Variants in GREB1 observed in about 807,000 individuals in gnomAD.
The protein encoded by GREB1 is protein GREB1.
Under a neutral mutation model 200.7 loss-of-function variants are expected in GREB1, and 106 were observed. The ratio of observed to expected loss-of-function variants is 0.53; its 90% CI spans 0.45 to 0.62. GREB1 has a LOEUF of 0.62. GREB1 is among the 20% of genes least tolerant of loss of function. The probability of loss-of-function intolerance (pLI) is 0.00; values close to 1 mark genes in which losing one functional copy is unlikely to be tolerated. For synonymous variants in GREB1, 1,132 were observed against 1,092.4 expected, an observed-to-expected ratio of 1.04 and a Z score of -0.72; for missense variants, 2,243 against 2,556.8, an observed-to-expected ratio of 0.88 and a Z score of 2.65.
At chr2:11,533,931 C>T (rs952101397), upstream of GREB1, among the ~76,000 whole-genome samples, 5 of 152,058 alleles carry the variant, frequency 3.3e-5, no homozygotes, top group African/African-American at 9.7e-5. Context: ...CAATAAAAAC[C>T]GCAGGGTTTA....
At chr2:11,508,927 T>G (rs1469607200) in intron 1 of GREB1, among the ~76,000 whole-genome samples, 1 of 147,564 alleles carries the variant, frequency 6.8e-6, no homozygotes, top group African/African-American at 2.5e-5. Context: ...CAGGCTGGAG[T>G]GCAGTGGCGC....
In GREB1 at chr2:11,612,625, T is replaced by C; in HGVS notation, c.3122+15T>C. ...TCCTTGCCGAGGTGAGTGGAGGGGT[T>C]ATGCCCCTGGGGGTCTCTGAGGAGC... On this transcript the variant is annotated intron_variant, in intron 19 of 32. Coordinates refer to ENST00000381486, the MANE Select transcript of GREB1 (RefSeq NM_014668.4). The C allele has an allele frequency of 6.8e-7, 1 of 1,476,054 alleles. No homozygotes were observed. Among genetic ancestry groups the C allele is most frequent in the Non-Finnish European group, 9.5e-7 (1 of 1,056,538 alleles). The allele number at this position is 1,476,054 out of a possible 1,614,324, so 91.4% of individuals were successfully genotyped here. A position where few individuals can be genotyped will look rare whatever the true frequency, so the allele number is the denominator to read the frequency against.
intron 19 of GREB1, among the ~76,000 whole-genome samples, chr2:11,613,471 C>T (rs1472844161): frequency 6.6e-6 from 1 of 152,140 alleles, no homozygotes; most frequent in Non-Finnish European, 1.5e-5. Context: ...TCAGTAGTCC[C>T]ATTTTACGGA....
rs61741327 is a variant in GREB1 at position 11,618,414 on chromosome 2, G to A, written c.3539G>A (p.Arg1180Gln). ...GCCCCTGGTGAGAAACAGAGGCCCC[G>A]GGCAAGTCAGGGGCCACCCTCGGCC... ...GRAPGEKQRP[R>Q]ASQGPPSAIS... Residue 1180 changes from arginine to glutamine, a missense_variant, in exon 22 of 33, where the codon CGG becomes CAG. Physicochemically the swap from Arg to Gln is conservative, Grantham distance 43. Around this residue, in one of 3 missense-constraint regions of GREB1, gnomAD observed 587 missense variants for 553.1 expected, o/e 1.06. Coordinates refer to ENST00000381486, the MANE Select transcript of GREB1 (RefSeq NM_014668.4). 8.1e-4 allele frequency: 1,311 copies of A among 1,609,042 alleles called. 4 individuals carry two copies. The highest frequency in any genetic ancestry group is 1.4e-3 in the African/African-American group (102 of 74,936).
At chr2:11,534,432 G>A (rs559091989) in intron 1 of GREB1, among the ~76,000 whole-genome samples, 178 bp downstream of exon 1, 1 of 152,308 alleles carries the variant, frequency 6.6e-6, no homozygotes, top group African/African-American at 2.4e-5. Context: ...CAATCTGTCC[G>A]TACAAATTTG....
intron 1 of GREB1, among the ~76,000 whole-genome samples, chr2:11,508,382 T>C (rs1673242409): frequency 6.6e-6 from 1 of 152,242 alleles, no homozygotes; most frequent in African/African-American, 2.4e-5. Context: ...TTGGAATATT[T>C]CCCAGATCCT....
intron 17 of GREB1, among the ~76,000 whole-genome samples, chr2:11,603,672 C>T (rs2148257702): frequency 6.6e-6 from 1 of 152,346 alleles, no homozygotes; most frequent in Non-Finnish European, 1.5e-5. Flanking sequence ...GTCAGTTCTC[C>T]AGCACATGGA....
intron 2 of GREB1, chr2:11,561,163 A>G (rs183539146): frequency 6.6e-6 from 1 of 152,234 alleles, no homozygotes; most frequent in Non-Finnish European, 1.5e-5. Context: ...TTCCTTCTGA[A>G]ATATTATTTC....
chr2:11,508,377 A>G (rs886611712), intron 1 of GREB1, among the ~76,000 whole-genome samples: 4 of 152,236 alleles, frequency 2.6e-5, no homozygotes, highest in African/African-American at 9.6e-5. Context: ...TGGCGTTGGA[A>G]TATTTCCCAG....
In GREB1 at chr2:11,610,977, A is replaced by C; in HGVS notation, c.2956A>C (p.Ser986Arg). The C allele has an allele frequency of 1.2e-6, 2 of 1,607,878 alleles. No homozygotes were observed. Among genetic ancestry groups the C allele is most frequent in the Non-Finnish European group, 1.7e-6 (2 of 1,177,488 alleles). ...GGAGCACTTTGAGATCATCCTGGGC[A>C]GTCCCAGCTCAGGCGTCACCGTGGG... ...LEEHFEIILGSPSSGVTVGKH... is the reference protein window; with the variant it reads ...LEEHFEIILGRPSSGVTVGKH... Residue 986 changes from serine (S) to arginine (R), a missense_variant, in exon 18 of 33, where the codon AGT becomes CGT. Physicochemically the swap from Ser to Arg is moderately radical, Grantham distance 110 (BLOSUM62 -1). Transcript: ENST00000381486.
chr2:11,595,439 G>T (rs1022732952), intron 12 of GREB1, 60 bp downstream of exon 12: 21 of 1,556,528 alleles, frequency 1.3e-5, no homozygotes, highest in Non-Finnish European at 1.7e-5. Flanking sequence ...ATCAGTGCCG[G>T]GGGAGGTCAT....
intron 1 of GREB1, among the ~76,000 whole-genome samples, chr2:11,516,138 G>A (rs1673490181): frequency 6.6e-6 from 1 of 152,160 alleles, no homozygotes; most frequent in Non-Finnish European, 1.5e-5. Context: ...CTTTAGACTT[G>A]GACATCACTC....
intron 6 of GREB1, 66 bp downstream of exon 6, chr2:11,578,497 G>C: frequency 1.3e-6 from 2 of 1,521,800 alleles, no homozygotes; most frequent in African/African-American, 1.4e-5. Flanking sequence ...CGATGTGTCC[G>C]GTTGACTATG....
intron 3 of GREB1, 40 bp from the exon 4 acceptor site, chr2:11,566,439 GA>G (rs770812550): frequency 6.5e-7 from 1 of 1,542,884 alleles, no homozygotes; most frequent in South Asian, 1.2e-5. Flanking sequence ...CCGCTTCTGG[GA>G]AGCCCTGGGC....
intron 18 of GREB1, 103 bp downstream of exon 18, chr2:11,611,130 A>G (rs1682887040): frequency 2.0e-6 from 2 of 1,021,654 alleles, no homozygotes; most frequent in East Asian, 2.6e-5. Context: ...AGCGTGGCCA[A>G]CGTGGCTTCC....
At chr2:11,485,634 A>T (rs1032805580) in intron 1 of GREB1, among the ~76,000 whole-genome samples, 1 of 152,120 alleles carries the variant, frequency 6.6e-6, no homozygotes, top group African/African-American at 2.4e-5. Context: ...AGAGATTTTG[A>T]TCTCAAACAG....
chr2:11,607,631 C>G (rs900069055), intron 17 of GREB1, among the ~76,000 whole-genome samples: 2 of 147,158 alleles, frequency 1.4e-5, no homozygotes, highest in Non-Finnish European at 1.5e-5. Flanking sequence ...CATATATATA[C>G]ATATATATAT....
At chr2:11,511,752 A>G (rs1010950848) in intron 1 of GREB1, among the ~76,000 whole-genome samples, 1 of 152,158 alleles carries the variant, frequency 6.6e-6, no homozygotes, top group Admixed American at 6.5e-5. Context: ...TATAGCCCAA[A>G]GCAAACACTC....
At chr2:11,539,524 G>A (rs1674567620) in intron 1 of GREB1, among the ~76,000 whole-genome samples, 1 of 152,226 alleles carries the variant, frequency 6.6e-6, no homozygotes, top group Non-Finnish European at 1.5e-5. Context: ...CCAGCTGACT[G>A]TCTTCCACCA....
Sources: allele counts gnomAD v4.1 joint callset (sites outside exome capture counted in the v4.1 genomes callset), GRCh38; gene constraint gnomAD v4.1.1; regional missense constraint gnomAD v4.1.1; transcripts MANE v1.5; gene names NCBI Gene and HGNC (gene_info 2026-07-23, HGNC 2026-07-21).